The following COLEC12 variants were observed in gnomAD, a reference collection of about 807,000 sequenced individuals.
COLEC12 encodes the protein collectin subfamily member 12.
A neutral mutation model predicts 71.1 loss-of-function variants in COLEC12; 33 were observed. The ratio of observed to expected loss-of-function variants is 0.46; its 90% CI spans 0.35 to 0.62. COLEC12 has a LOEUF of 0.62. COLEC12 is among the 20% of genes least tolerant of loss of function. The probability of loss-of-function intolerance (pLI) is 0.00; values close to 1 mark genes in which losing one functional copy is unlikely to be tolerated. For missense variants in COLEC12, 765 were observed against 916.1 expected (o/e 0.84, Z 2.13); for synonymous variants, 350 against 353.0 (o/e 0.99, Z 0.10).
chr18:369,449 GT>G (rs56254829), intron 2 of COLEC12, among the ~76,000 whole-genome samples: 34,830 of 131,610 alleles, frequency 0.26, 4,404 homozygotes, highest in Middle Eastern at 0.34. Flanking sequence ...TTGGAATAAT[GT>G]TTTTTTTTTT....
chr18:416,099 C>T lies in COLEC12; in HGVS notation c.59-58577G>A, dbSNP rs568666176. ...GTGAAATATTTGTGGGGAGATGACT[C>T]AACTTTTAAACCTCTTTGTCTAGAT... On this transcript the variant is annotated intron_variant, in intron 2 of 9. Transcript: ENST00000400256. 2.0e-5 allele frequency among the ~76,000 whole-genome samples: 3 copies of T among 152,288 alleles called. No homozygotes were observed. The East Asian group carries it at 5.8e-4, about 29-fold the overall frequency.
At chr18:494,374 T>G (rs112918970) in intron 1 of COLEC12, among the ~76,000 whole-genome samples, 13 of 152,332 alleles carry the variant, frequency 8.5e-5, no homozygotes, top group African/African-American at 2.9e-4. Context: ...AATACAATAT[T>G]ACAATTACTA....
chr18:491,944 A>G (rs1917626301), intron 1 of COLEC12, among the ~76,000 whole-genome samples: 2 of 152,176 alleles, frequency 1.3e-5, no homozygotes, highest in African/African-American at 2.4e-5. Flanking sequence ...GCATTTCTGG[A>G]ACACAGTTAT....
At chr18:360,746 T>C (rs1914726995) in intron 2 of COLEC12, among the ~76,000 whole-genome samples, 1 of 152,348 alleles carries the variant, frequency 6.6e-6, no homozygotes, top group Admixed American at 6.5e-5. Context: ...AAGCTGGTCA[T>C]GATGGATTGA....
Position 335,081 on chromosome 18 carries a change from G to C in COLEC12, c.1477C>G (p.Pro493Ala), listed in dbSNP as rs747821309. ...ERGPIGPAGP[P>A]GERGGKGSKG... ...GATCCTTTGCCGCCACGCTCTCCGG[G>C]GGGACCAGCTGGTCCAATTGGGCCT... Residue 493 changes from proline (P) to alanine (A), a missense_variant, in exon 6 of 10, where the codon CCC becomes GCC. By Grantham distance (27) the Pro-to-Ala change is conservative. Transcript: ENST00000400256. 3.1e-6 allele frequency: 5 copies of C among 1,611,242 alleles called. No homozygotes were observed. Among genetic ancestry groups the C allele is most frequent in the Non-Finnish European group, 4.2e-6 (5 of 1,179,128 alleles).
In COLEC12 at chr18:459,225, T is replaced by C. The variant is rs551317858; in HGVS notation, c.58+21482A>G. On this transcript the variant is annotated intron_variant, in intron 2 of 9. Transcript: ENST00000400256. Reference sequence around the variant, plus strand: ...GGATCACCCAGACTCTAATGAGGGGTCTGGATTGATTCAGGACAGGATGGC... The same window carrying C: ...GGATCACCCAGACTCTAATGAGGGGCCTGGATTGATTCAGGACAGGATGGC... 4.6e-5 allele frequency among the ~76,000 whole-genome samples: 7 copies of C among 152,188 alleles called. No homozygotes were observed. In the East Asian group the frequency reaches 1.4e-3, roughly 29 times the overall value.
intron 2 of COLEC12, among the ~76,000 whole-genome samples, chr18:366,243 T>A (rs1379414185): frequency 6.6e-6 from 1 of 152,154 alleles, no homozygotes; most frequent in Non-Finnish European, 1.5e-5. Flanking sequence ...GACGTAGATG[T>A]CAATTTTAAG....
chr18:375,309 G>A (rs1915089330), intron 2 of COLEC12, among the ~76,000 whole-genome samples: 1 of 152,176 alleles, frequency 6.6e-6, no homozygotes, highest in Admixed American at 6.5e-5. Flanking sequence ...GCCACCACAA[G>A]GCCTTTGCAT....
At chr18:498,382 G>A (rs28607196) in intron 1 of COLEC12, among the ~76,000 whole-genome samples, 1,779 of 97,062 alleles carry the variant, frequency 0.018, 38 homozygotes, top group African/African-American at 0.084. Context: ...TTTTTTAGAC[G>A]GAGTCTCGCT....
At chr18:406,382 G>A (rs1463657941) in intron 2 of COLEC12, among the ~76,000 whole-genome samples, 6 of 151,540 alleles carry the variant, frequency 4.0e-5, no homozygotes, top group Admixed American at 1.3e-4. Flanking sequence ...GGTGGCGGGC[G>A]CCTGTAGTCC....
rs749321512 is a variant in COLEC12, at chr18:347,010, C to T, written c.612G>A (p.Met204Ile). ...NQMYSHNVVI[M>I]NLNNLNLTQV... The stretch of plus-strand genomic sequence containing the variant: ...GGGTCAGGTTCAGGTTGTTGAGGTT[C>T]ATGATGACCACATTATGAGAATACA... The change falls in exon 5 of 10, where the codon ATG (methionine) becomes ATA (isoleucine). Residue 204 changes from methionine to isoleucine, a missense_variant. Physicochemically the swap from Met to Ile is conservative, Grantham distance 10. Transcript: ENST00000400256. 6.2e-7 allele frequency: 1 copy of T among 1,614,224 alleles called. No individual in the cohort carries two copies. The highest frequency in any genetic ancestry group is 1.7e-5 in the Admixed American group (1 of 60,032).
chr18:347,237 T>G lies in COLEC12; in HGVS notation c.385A>C (p.Thr129Pro). The stretch of plus-strand genomic sequence containing the variant: ...TCCAGCGTATCCTTGTTCTTGCTGG[T>G]TTTTTCTGTAATCTCACGAAGTTGC... ...RQQLREITEK[T>P]SKNKDTLEKL... The change falls in exon 5 of 10, where the codon ACC becomes CCC. Residue 129 changes from threonine (T) to proline (P), a missense_variant. Transcript: ENST00000400256. 6.2e-7 allele frequency: 1 copy of G among 1,614,138 alleles called. No individual in the cohort carries two copies. Among genetic ancestry groups the G allele is most frequent in the Non-Finnish European group, 8.5e-7 (1 of 1,180,008 alleles).
chr18:420,177 T>A (rs1916069098), intron 2 of COLEC12, among the ~76,000 whole-genome samples: 1 of 152,106 alleles, frequency 6.6e-6, no homozygotes, highest in African/African-American at 2.4e-5. Context: ...ATAATAATAA[T>A]CAATTGCTTT....
chr18:329,933 C>T (rs541881604), intron 8 of COLEC12, among the ~76,000 whole-genome samples: 10 of 152,062 alleles, frequency 6.6e-5, no homozygotes, highest in East Asian at 1.9e-4. Context: ...AAAAATTAGC[C>T]GGGTGTGGTG....
At position 342,180 on chromosome 18, in the gene COLEC12, C is replaced by T. The variant is rs530853087; in HGVS notation, c.1327+4115G>A. ...TCAAGTGATTCCCCTGCCTCAGCCTCCCAAGTAGCTGGGATTACGGGCATG... is the reference window on the plus strand; with the variant it reads ...TCAAGTGATTCCCCTGCCTCAGCCTTCCAAGTAGCTGGGATTACGGGCATG... On this transcript the variant is annotated intron_variant, in intron 5 of 9. Coordinates refer to ENST00000400256, the MANE Select transcript of COLEC12 (RefSeq NM_130386.3). Among the ~76,000 whole-genome samples, 96 of 152,330 alleles carry T rather than the reference C, an allele frequency of 6.3e-4. No individual in the cohort carries two copies. The Middle Eastern group carries it at 0.01, about 16-fold the overall frequency.
At chr18:400,121 G>A (rs1466133251) in intron 2 of COLEC12, among the ~76,000 whole-genome samples, 2 of 152,130 alleles carry the variant, frequency 1.3e-5, no homozygotes, top group African/African-American at 4.8e-5. Context: ...GAAGGAGACC[G>A]CAAGAAGACA....
intron 2 of COLEC12, among the ~76,000 whole-genome samples, chr18:418,440 C>CAG (rs1916031245): frequency 1.3e-5 from 2 of 152,162 alleles, no homozygotes; most frequent in Admixed American, 6.5e-5. Flanking sequence ...CTGTCTCTGT[C>CAG]AGAGGCATGT....
rs1416858187 is a variant in COLEC12 at position 480,317 on chromosome 18, A to C, written c.58+390T>G. On this transcript the variant is annotated intron_variant, in intron 2 of 9. Transcript: ENST00000400256. This position sits in a 1 kb window ranked among gnomAD's most constrained non-coding sequence, Gnocchi z 4.1. ...AAGTCTCCCTCTCACTCATCCATGA[A>C]CACTGGGTTAGGAGTGTAAGGCCTG... is the stretch of plus-strand genomic sequence containing the variant. 6.6e-6 allele frequency among the ~76,000 whole-genome samples: 1 copy of C among 152,234 alleles called. No individual in the cohort carries two copies. Among genetic ancestry groups the C allele is most frequent in the Non-Finnish European group, 1.5e-5 (1 of 68,046 alleles).
Position 318,936 on chromosome 18 carries a change from T to C in COLEC12, c.*1109A>G, listed in dbSNP as rs1003193766. On this transcript the variant is annotated 3_prime_UTR_variant, in exon 10 of 10. Coordinates refer to ENST00000400256, the MANE Select transcript of COLEC12 (RefSeq NM_130386.3). ...AACACGTAGCCGGTTCCCATCTTTC[T>C]AGCATCTCTGCCTTTGGCTGATGTG... The C allele has an allele frequency of 4.0e-5, 6 of 151,576 alleles. No individual in the cohort carries two copies. Among genetic ancestry groups the C allele is most frequent in the Admixed American group, 3.3e-4 (5 of 15,176 alleles). 9.4% of individuals were successfully genotyped at this position (151,576 alleles called of 1,614,324 possible). A position where few individuals can be genotyped will look rare whatever the true frequency, so the allele number is the denominator to read the frequency against.
Sources: gnomAD v4.1 joint callset for allele counts (sites outside exome capture counted in the v4.1 genomes callset) on GRCh38, gnomAD v4.1.1 for gene constraint, Gnocchi (gnomAD v3.1) non-coding constraint, MANE v1.5 for transcripts, NCBI Gene and HGNC (gene_info 2026-07-23, HGNC 2026-07-21) for gene names.